The following SLC24A2 variants were observed in gnomAD, a reference collection of about 807,000 sequenced individuals.
SLC24A2 encodes sodium/potassium/calcium exchanger 2.
In SLC24A2, 36 loss-of-function variants were observed where a neutral mutation model predicts 62.0. That is an observed-to-expected ratio of 0.58 (90% CI 0.44 to 0.77). The LOEUF (loss-of-function observed/expected upper bound fraction) is 0.77. SLC24A2 is among the 30% of genes least tolerant of loss of function. SLC24A2 has a pLI of 0.00. For missense variants in SLC24A2, 846 were observed against 817.9 expected (o/e 1.03, Z -0.42); for synonymous variants, 358 against 294.0 (o/e 1.22, Z -2.23).
the SLC24A2 span, among the ~76,000 whole-genome samples, chr9:19,992,743 G>A: frequency 9.0e-4 from 137 of 152,230 alleles, 1 homozygote; most frequent in East Asian, 2.3e-3. Flanking sequence ...CTGCACATTG[G>A]CAGAAATATG....
At chr9:19,690,309 AC>A (rs1820007170) in intron 2 of SLC24A2, among the ~76,000 whole-genome samples, 1 of 152,048 alleles carries the variant, frequency 6.6e-6, no homozygotes, top group African/African-American at 2.4e-5. Flanking sequence ...GATGGATCCC[AC>A]CCTCGGCTTC....
At chr9:20,160,761 G>T in the SLC24A2 span, among the ~76,000 whole-genome samples, 8 of 150,510 alleles carry the variant, frequency 5.3e-5, no homozygotes, top group African/African-American at 1.9e-4. Context: ...TTAAATAACA[G>T]GTAAGAGGAA....
At chr9:20,237,650 C>A in the SLC24A2 span, among the ~76,000 whole-genome samples, 2 of 152,290 alleles carry the variant, frequency 1.3e-5, no homozygotes, top group Middle Eastern at 3.4e-3. Flanking sequence ...CAAGAAAGAG[C>A]ACTCACCTGG....
At chr9:19,980,245 G>T in the SLC24A2 span, among the ~76,000 whole-genome samples, 1 of 152,148 alleles carries the variant, frequency 6.6e-6, no homozygotes, top group East Asian at 1.9e-4. Flanking sequence ...ACCTGAGGTG[G>T]GGCATGTGAT....
chr9:20,173,363 T>A, the SLC24A2 span, among the ~76,000 whole-genome samples: 1 of 151,976 alleles, frequency 6.6e-6, no homozygotes. Flanking sequence ...ATCAAGGGCA[T>A]CCAAATTAGC....
At chr9:20,113,564 T>G in the SLC24A2 span, among the ~76,000 whole-genome samples, 1 of 152,214 alleles carries the variant, frequency 6.6e-6, no homozygotes, top group Non-Finnish European at 1.5e-5. Context: ...TAAATTTTGG[T>G]TAATATTTCT....
chr9:19,736,167 T>A (rs1433567154), intron 2 of SLC24A2, among the ~76,000 whole-genome samples: 2 of 152,144 alleles, frequency 1.3e-5, no homozygotes, highest in Non-Finnish European at 2.9e-5. Context: ...ATATGTTCTC[T>A]ACAATTTTAA....
At chr9:19,931,888 A>G in the SLC24A2 span, among the ~76,000 whole-genome samples, 1 of 152,170 alleles carries the variant, frequency 6.6e-6, no homozygotes, top group Non-Finnish European at 1.5e-5. Flanking sequence ...ATTTTACATT[A>G]TAGACTGAAC....
At chr9:19,616,128 T>C (rs1490597801) in intron 4 of SLC24A2, among the ~76,000 whole-genome samples, 10 of 151,686 alleles carry the variant, frequency 6.6e-5, no homozygotes, top group Non-Finnish European at 1.2e-4. Context: ...TGGAGAAAAT[T>C]AGAGGGTTGA....
the SLC24A2 span, among the ~76,000 whole-genome samples, chr9:19,838,189 CA>C: frequency 2.0e-5 from 3 of 152,102 alleles, no homozygotes; most frequent in Non-Finnish European, 4.4e-5. Flanking sequence ...CTGCAGTAAC[CA>C]AAACAGCATG....
intron 2 of SLC24A2, among the ~76,000 whole-genome samples, chr9:19,650,821 T>TAG (rs1357642466): frequency 3.4e-5 from 3 of 87,926 alleles, no homozygotes; most frequent in Admixed American, 2.7e-4. Context: ...CATCAGCTTC[T>TAG]AGTGTGTGTG....
rs370963421 is a variant in SLC24A2, at chr9:19,545,012, G to A, written c.1479+5125C>T. Reference sequence around the variant, plus strand: ...GGGAACTTCTCCTGGATGATATCCCGAAAAGTGTTTTCCAACTTGGTTCCA... The same window carrying A: ...GGGAACTTCTCCTGGATGATATCCCAAAAAGTGTTTTCCAACTTGGTTCCA... On this transcript the variant is annotated intron_variant, in intron 8 of 10. Transcript: ENST00000341998. Among the ~76,000 whole-genome samples the A allele has an allele frequency of 1.2e-4, 18 of 152,248 alleles. No homozygotes were observed. In the South Asian group the frequency reaches 2.3e-3, roughly 19 times the overall value.
At chr9:19,550,466 G>A (rs1834789163) in intron 7 of SLC24A2, among the ~76,000 whole-genome samples, 198 bp from the exon 8 acceptor site, 1 of 152,174 alleles carries the variant, frequency 6.6e-6, no homozygotes, top group Non-Finnish European at 1.5e-5. Flanking sequence ...CCAGCCATGA[G>A]CATGTAAGAA....
At chr9:20,223,288 A>T in the SLC24A2 span, among the ~76,000 whole-genome samples, 19 of 152,284 alleles carry the variant, frequency 1.2e-4, no homozygotes, top group South Asian at 2.3e-3. Flanking sequence ...TCATTGATGG[A>T]AAGATCCAAT....
intron 5 of SLC24A2, among the ~76,000 whole-genome samples, chr9:19,589,912 G>A (rs143006912): frequency 3.7e-4 from 56 of 152,260 alleles, no homozygotes; most frequent in African/African-American, 1.3e-3. Flanking sequence ...TTGGGTGGAG[G>A]CTTCCCTGGC....
At chr9:20,284,402 C>T in the SLC24A2 span, among the ~76,000 whole-genome samples, 1 of 152,090 alleles carries the variant, frequency 6.6e-6, no homozygotes, top group Non-Finnish European at 1.5e-5. Flanking sequence ...CTCAACCTCC[C>T]GAGTAGCTGG....
upstream of SLC24A2, among the ~76,000 whole-genome samples, chr9:19,791,849 T>C (rs1033576575): frequency 2.6e-5 from 4 of 152,236 alleles, no homozygotes; most frequent in Admixed American, 2.6e-4. Flanking sequence ...GCTACTTCTT[T>C]ATATTTGTAG....
chr9:20,123,036 G>C, the SLC24A2 span, among the ~76,000 whole-genome samples: 1 of 152,082 alleles, frequency 6.6e-6, no homozygotes, highest in African/African-American at 2.4e-5. Flanking sequence ...GCTATAACTA[G>C]ACTAGGTGGC....
the SLC24A2 span, among the ~76,000 whole-genome samples, chr9:20,253,339 A>C: frequency 6.6e-6 from 1 of 152,220 alleles, no homozygotes; most frequent in African/African-American, 2.4e-5. Context: ...TCATGAATGC[A>C]CTTTGAGCTC....
Sources: allele counts gnomAD v4.1 joint callset (sites outside exome capture counted in the v4.1 genomes callset), GRCh38; gene constraint gnomAD v4.1.1; transcripts MANE v1.5; gene names NCBI Gene and HGNC (gene_info 2026-07-23, HGNC 2026-07-21).